The following SEMA5A variants were observed in gnomAD, a reference collection of about 807,000 sequenced individuals.
SEMA5A encodes semaphorin 5A.
SEMA5A carries 55 observed loss-of-function variants against 135.5 expected under a neutral mutation model. The observed-to-expected ratio is 0.41, with a 90% CI of 0.33 to 0.51. The LOEUF (loss-of-function observed/expected upper bound fraction) is 0.51, where lower values mean the gene tolerates loss of function less well. SEMA5A is among the 20% of genes least tolerant of loss of function. The pLI, the probability that SEMA5A is intolerant of heterozygous loss-of-function variation, is 0.37. For synonymous variants in SEMA5A, 580 were observed against 546.5 expected, an observed-to-expected ratio of 1.06 and a Z score of -0.85; for missense variants, 1,290 against 1,419.9, an observed-to-expected ratio of 0.91 and a Z score of 1.47.
At position 9,042,773 on chromosome 5, in the gene SEMA5A, G is replaced by A. The variant is rs1022432110; in HGVS notation, c.*124C>T. The A allele has an allele frequency of 5.8e-6, 7 of 1,200,558 alleles. No homozygotes were observed. The South Asian group carries it at 6.8e-5, about 12-fold the overall frequency. The allele number at this position is 1,200,558 out of a possible 1,614,324, so 74.4% of individuals were successfully genotyped here. A position where few individuals can be genotyped will look rare whatever the true frequency, so the allele number is the denominator to read the frequency against. ...TTTTTGGCAGCAATGGGACACTCTG[G>A]TGGCTTGAAATGCACTTGAAATGTA... On this transcript the variant is annotated 3_prime_UTR_variant, in exon 23 of 23. Transcript: ENST00000382496.
intron 5 of SEMA5A, among the ~76,000 whole-genome samples, chr5:9,251,685 G>C (rs1317185980): frequency 1.3e-5 from 2 of 152,098 alleles, no homozygotes; most frequent in Admixed American, 1.3e-4. Context: ...GAGGAGCAAA[G>C]CAAAAACAGA....
chr5:9,412,933 A>T (rs79895940), intron 2 of SEMA5A, among the ~76,000 whole-genome samples: 3,694 of 152,264 alleles, frequency 0.024, 131 homozygotes, highest in African/African-American at 0.082. Flanking sequence ...ATACTTCATT[A>T]CCATGGCAAA....
chr5:9,401,745 G>A (rs1756668341), intron 2 of SEMA5A, among the ~76,000 whole-genome samples: 1 of 152,148 alleles, frequency 6.6e-6, no homozygotes, highest in East Asian at 1.9e-4. Flanking sequence ...TTGTCCTATA[G>A]GAGTTTTCCT....
chr5:9,190,740 T>C (rs1179040504), intron 10 of SEMA5A, among the ~76,000 whole-genome samples: 1 of 152,198 alleles, frequency 6.6e-6, no homozygotes, highest in Non-Finnish European at 1.5e-5. Context: ...GTGGGAGTGA[T>C]TGCTAACTTT....
At chr5:9,150,241 T>C (rs77971384) in intron 12 of SEMA5A, among the ~76,000 whole-genome samples, 2,204 of 152,312 alleles carry the variant, frequency 0.014, 24 homozygotes, top group African/African-American at 0.035. Flanking sequence ...CTGTTACTCA[T>C]GGTACTCATA....
Position 9,154,531 on chromosome 5 carries a change from C to A in SEMA5A, c.1438G>T (p.Val480Phe). The change falls in exon 12 of 23, where the codon GTC becomes TTC. Residue 480 changes from valine to phenylalanine, a missense_variant. Transcript: ENST00000382496. Reference protein sequence around the residue: ...VLFVGLREHVVKIPLKRCQFY... With the variant: ...VLFVGLREHVFKIPLKRCQFY... Reference sequence around the variant, plus strand: ...TGGCACCTCTTCAGGGGGATCTTGACCACGTGCTCCCGCAGGCCCACGAAC... The same window carrying A: ...TGGCACCTCTTCAGGGGGATCTTGAACACGTGCTCCCGCAGGCCCACGAAC... 6.2e-7 allele frequency: 1 copy of A among 1,612,526 alleles called. No homozygotes were observed. Among genetic ancestry groups the A allele is most frequent in the Non-Finnish European group, 8.5e-7 (1 of 1,179,990 alleles).
chr5:9,089,345 T>G (rs1308911450), intron 16 of SEMA5A, among the ~76,000 whole-genome samples: 1 of 152,166 alleles, frequency 6.6e-6, no homozygotes, highest in African/African-American at 2.4e-5. Flanking sequence ...CTTTACTCAA[T>G]AAACAACTTT....
At chr5:9,194,269 T>C (rs747847600) in intron 10 of SEMA5A, among the ~76,000 whole-genome samples, 1 of 152,230 alleles carries the variant, frequency 6.6e-6, no homozygotes, top group Non-Finnish European at 1.5e-5. Flanking sequence ...ATACTTTTTG[T>C]TGCTTTGTTA....
At chr5:9,084,777 A>C (rs772594127) in intron 16 of SEMA5A, among the ~76,000 whole-genome samples, 22 of 152,216 alleles carry the variant, frequency 1.4e-4, no homozygotes, top group Non-Finnish European at 2.6e-4. Flanking sequence ...AAAATGTAGA[A>C]GTGACTTTGG....
At chr5:9,102,296 T>A (rs1449688336) in intron 16 of SEMA5A, among the ~76,000 whole-genome samples, 1 of 152,250 alleles carries the variant, frequency 6.6e-6, no homozygotes, top group Non-Finnish European at 1.5e-5. Flanking sequence ...GAGGTTGCTA[T>A]GCTCTTGAAA....
chr5:9,210,841 T>C (rs937757741), intron 8 of SEMA5A, among the ~76,000 whole-genome samples: 1 of 152,160 alleles, frequency 6.6e-6, no homozygotes, highest in African/African-American at 2.4e-5. Context: ...ACCTAGCATA[T>C]TGTAAATAGC....
chr5:9,323,773 T>C (rs980852690), intron 4 of SEMA5A, among the ~76,000 whole-genome samples: 2 of 149,744 alleles, frequency 1.3e-5, no homozygotes, highest in Non-Finnish European at 3.0e-5. Flanking sequence ...GCAATTCTCC[T>C]GCCTCAGCCT....
At chr5:9,437,964 G>A (rs1399342323) in intron 1 of SEMA5A, 112 bp from the exon 2 acceptor site, 2 of 152,226 alleles carry the variant, frequency 1.3e-5, no homozygotes, top group East Asian at 3.8e-4. Flanking sequence ...AGAGCAAGCT[G>A]CTTTGGCCAC....
chr5:9,060,740 C>T (rs1188070567), intron 18 of SEMA5A, among the ~76,000 whole-genome samples: 2 of 152,090 alleles, frequency 1.3e-5, no homozygotes, highest in Non-Finnish European at 2.9e-5. Context: ...GCCTCAGCTA[C>T]AAATCTGGAA....
At chr5:9,442,656 C>T (rs930423483) in intron 1 of SEMA5A, among the ~76,000 whole-genome samples, 1 of 152,096 alleles carries the variant, frequency 6.6e-6, no homozygotes, top group African/African-American at 2.4e-5. Context: ...ACATTTAAAA[C>T]CCAGGAGCAA....
At chr5:9,218,151 T>C (rs940086181) in intron 8 of SEMA5A, among the ~76,000 whole-genome samples, 2 of 152,142 alleles carry the variant, frequency 1.3e-5, no homozygotes, top group African/African-American at 4.8e-5. Context: ...CCCCATGACA[T>C]GGGTTTACCT....
At chr5:9,045,634 C>T (rs868826589) in intron 21 of SEMA5A, among the ~76,000 whole-genome samples, 2 of 152,200 alleles carry the variant, frequency 1.3e-5, no homozygotes, top group South Asian at 4.2e-4. Flanking sequence ...ACTTTTCTCA[C>T]TTATGTTGTA....
chr5:9,086,061 T>A (rs1481416109), intron 16 of SEMA5A, among the ~76,000 whole-genome samples: 1 of 152,324 alleles, frequency 6.6e-6, no homozygotes, highest in Non-Finnish European at 1.5e-5. Context: ...TTTCTCCCAT[T>A]TGGAATGGCT....
rs1735579185 is a variant in SEMA5A at position 9,035,146 on chromosome 5, G to A, written c.*7751C>T. 1 of 152,518 alleles carries A rather than the reference G, an allele frequency of 6.6e-6. No homozygotes were observed. The highest frequency in any genetic ancestry group is 1.9e-4 in the East Asian group (1 of 5,178). 9.4% of individuals were successfully genotyped at this position (152,518 alleles called of 1,614,324 possible). The stretch of plus-strand genomic sequence containing the variant: ...TACAATTTATACTGTACACAATCAG[G>A]ATTCCCTTGTTTTGTTCCCCCCACA... On this transcript the variant is annotated 3_prime_UTR_variant, in exon 23 of 23. Coordinates refer to ENST00000382496, the MANE Select transcript of SEMA5A (RefSeq NM_003966.3).
Sources: allele counts gnomAD v4.1 joint callset (sites outside exome capture counted in the v4.1 genomes callset), GRCh38; gene constraint gnomAD v4.1.1; transcripts MANE v1.5; gene names NCBI Gene and HGNC (gene_info 2026-07-23, HGNC 2026-07-21).